Variants in MACROD2 observed in about 807,000 individuals in gnomAD.
MACROD2 encodes the protein ADP-ribose glycohydrolase MACROD2.
In MACROD2, 36 loss-of-function variants were observed where a neutral mutation model predicts 70.4. That is an observed-to-expected ratio of 0.51 (90% CI 0.39 to 0.68). MACROD2 has a LOEUF of 0.68. Among genes scored for constraint, MACROD2 ranks in the 30% least tolerant of loss-of-function variants. MACROD2 has a pLI of 0.00. For missense variants in MACROD2, 496 were observed against 538.4 expected, an observed-to-expected ratio of 0.92 and a Z score of 0.78; for synonymous variants, 172 against 178.8, an observed-to-expected ratio of 0.96 and a Z score of 0.30.
chr20:15,133,444 GA>G (rs1222031361), intron 5 of MACROD2, among the ~76,000 whole-genome samples: 6 of 151,906 alleles, frequency 3.9e-5, no homozygotes, highest in Admixed American at 2.0e-4. Context: ...AGAAATAGAA[GA>G]AAAACACATA....
intron 3 of MACROD2, among the ~76,000 whole-genome samples, chr20:14,116,491 A>G (rs1351439494): frequency 6.6e-6 from 1 of 152,090 alleles, no homozygotes; most frequent in Non-Finnish European, 1.5e-5. Flanking sequence ...AGGATTTTGT[A>G]CTTTGTATCA....
rs564626060 is a variant in MACROD2, at chr20:15,720,635, C to G, written c.646-142110C>G. On this transcript the variant is annotated intron_variant, in intron 8 of 17. Transcript: ENST00000684519. ...CCTGTCCTAGAATGTCTGCCTTAAT[C>G]AACTATTTTTGCTTTGAATCACCCT... Among the ~76,000 whole-genome samples the G allele has an allele frequency of 2.0e-5, 3 of 152,202 alleles. No homozygotes were observed. In the South Asian group the frequency reaches 6.2e-4, roughly 32 times the overall value.
At chr20:16,007,587 T>A (rs1041790181) in intron 15 of MACROD2, among the ~76,000 whole-genome samples, 1 of 152,210 alleles carries the variant, frequency 6.6e-6, no homozygotes, top group Non-Finnish European at 1.5e-5. Flanking sequence ...GCTTAAAAAA[T>A]TTTTAGGCAC....
intron 5 of MACROD2, among the ~76,000 whole-genome samples, chr20:15,150,701 C>A (rs2076263014): frequency 6.6e-6 from 1 of 151,658 alleles, no homozygotes; most frequent in Non-Finnish European, 1.5e-5. Context: ...GAGGAGGATG[C>A]AAAGGAGGCT....
chr20:14,936,247 A>T (rs1366351818), intron 5 of MACROD2, among the ~76,000 whole-genome samples: 1 of 152,190 alleles, frequency 6.6e-6, no homozygotes, highest in Non-Finnish European at 1.5e-5. Flanking sequence ...CCTTGCAGAG[A>T]TCTGGGAGAA....
intron 5 of MACROD2, among the ~76,000 whole-genome samples, chr20:14,815,136 A>G (rs2072759587): frequency 6.6e-6 from 1 of 152,024 alleles, no homozygotes; most frequent in African/African-American, 2.4e-5. Context: ...AAATTGAGTA[A>G]CATATTTTAA....
At position 15,297,196 on chromosome 20, in the gene MACROD2, C is replaced by T. The variant is rs537570123; in HGVS notation, c.540+67135C>T. 5.9e-5 allele frequency among the ~76,000 whole-genome samples: 9 copies of T among 152,308 alleles called. No individual in the cohort carries two copies. In the South Asian group the frequency reaches 1.9e-3, roughly 32 times the overall value. Reference sequence around the variant, plus strand: ...TTTGCCCTTCTAAGTAGTCTGTAAACTCTATTCCAGGCAGGGGCTGGGAGA... The same window carrying T: ...TTTGCCCTTCTAAGTAGTCTGTAAATTCTATTCCAGGCAGGGGCTGGGAGA... On this transcript the variant is annotated intron_variant, in intron 6 of 17. Coordinates refer to ENST00000684519, the MANE Select transcript of MACROD2 (RefSeq NM_001351661.2).
chr20:14,262,204 C>T (rs2082106909), intron 3 of MACROD2, among the ~76,000 whole-genome samples: 1 of 152,068 alleles, frequency 6.6e-6, no homozygotes, highest in South Asian at 2.1e-4. Flanking sequence ...ATCTTTTAAT[C>T]TTGCAGGTAG....
chr20:15,077,696 C>T (rs918859659), intron 5 of MACROD2, among the ~76,000 whole-genome samples: 4 of 152,138 alleles, frequency 2.6e-5, no homozygotes, highest in African/African-American at 9.7e-5. Context: ...AGATTGGAGG[C>T]TCACGTTGCA....
At chr20:14,885,168 C>G (rs1242852541) in intron 5 of MACROD2, among the ~76,000 whole-genome samples, 1 of 152,142 alleles carries the variant, frequency 6.6e-6, no homozygotes, top group Non-Finnish European at 1.5e-5. Context: ...ACTACATGCT[C>G]TTTAATTAAT....
At chr20:15,744,742 C>T (rs2051156947) in intron 8 of MACROD2, among the ~76,000 whole-genome samples, 1 of 150,996 alleles carries the variant, frequency 6.6e-6, no homozygotes, top group Non-Finnish European at 1.5e-5. Flanking sequence ...ACACACTACA[C>T]ACAAGGTGTT....
chr20:15,812,623 T>A (rs1488898009), intron 8 of MACROD2, among the ~76,000 whole-genome samples: 1 of 152,174 alleles, frequency 6.6e-6, no homozygotes, highest in African/African-American at 2.4e-5. Context: ...GAATTATCAA[T>A]TCTGAAATGC....
At chr20:15,368,188 C>T (rs1313672591) in intron 6 of MACROD2, among the ~76,000 whole-genome samples, 1 of 152,072 alleles carries the variant, frequency 6.6e-6, no homozygotes, top group South Asian at 2.1e-4. Context: ...AATCCATATC[C>T]CTTGGGAACT....
In MACROD2 at chr20:15,193,057, C is replaced by T. The variant is rs574677960; in HGVS notation, c.419-36883C>T. ...CATTGAAGAAGCAAATCTGAGTTTT[C>T]GGTTGTGCATGAGAATACGTCCACT... On this transcript the variant is annotated intron_variant, in intron 5 of 17. Transcript: ENST00000684519. Among the ~76,000 whole-genome samples, 11 of 152,216 alleles carry T rather than the reference C, an allele frequency of 7.2e-5. No individual in the cohort carries two copies. The East Asian group carries it at 9.7e-4, about 13-fold the overall frequency.
chr20:15,683,667 C>A (rs142038800), intron 8 of MACROD2, among the ~76,000 whole-genome samples: 3 of 152,104 alleles, frequency 2.0e-5, no homozygotes, highest in Admixed American at 2.0e-4. Flanking sequence ...CAACCTCCAC[C>A]TCCTGGGTTC....
At position 15,992,336 on chromosome 20, in the gene MACROD2, T is replaced by C. The variant is rs193036069; in HGVS notation, c.1153+5178T>C. Among the ~76,000 whole-genome samples the C allele has an allele frequency of 3.3e-5, 5 of 152,314 alleles. No homozygotes were observed. The East Asian group carries it at 9.6e-4, about 29-fold the overall frequency. On this transcript the variant is annotated intron_variant, in intron 15 of 17. Transcript: ENST00000684519. ...AGGAGAAATCTATCATTCCTTCCAA[T>C]ATCTCTGAGAATTCTTTGGTGTCAG...
intron 10 of MACROD2, 124 bp downstream of exon 10, chr20:15,885,935 T>G (rs2064816932): frequency 9.1e-7 from 1 of 1,097,620 alleles, no homozygotes; most frequent in Non-Finnish European, 1.2e-6. Flanking sequence ...ATGCTCAGTG[T>G]TATAAAATTA....
chr20:14,239,048 A>T (rs1002315851), intron 3 of MACROD2, among the ~76,000 whole-genome samples: 52 of 144,630 alleles, frequency 3.6e-4, no homozygotes, highest in African/African-American at 1.3e-3. Flanking sequence ...AAAAAAAAAA[A>T]AAAAAATCAG....
chr20:14,601,503 CCCAAAAAATGTTTTAGT>C (rs1982496558), intron 4 of MACROD2, among the ~76,000 whole-genome samples: 1 of 151,594 alleles, frequency 6.6e-6, no homozygotes, highest in South Asian at 2.1e-4. Context: ...CTTTTAGGAA[CCCAAAAAATGTTTTAGT>C]CCAAAACAGT....
Sources: gnomAD v4.1 joint callset for allele counts (sites outside exome capture counted in the v4.1 genomes callset) on GRCh38, gnomAD v4.1.1 for gene constraint, MANE v1.5 for transcripts, NCBI Gene and HGNC (gene_info 2026-07-23, HGNC 2026-07-21) for gene names.